The following CDH23 variants were observed in gnomAD, a reference collection of about 807,000 sequenced individuals.
CDH23 encodes cadherin related 23.
A neutral mutation model predicts 317.1 loss-of-function variants in CDH23; 189 were observed. That is an observed-to-expected ratio of 0.60 (90% CI 0.53 to 0.67). The LOEUF is 0.67. CDH23 is among the 30% of genes least tolerant of loss of function. The pLI is 0.00. For synonymous variants in CDH23, 1,839 were observed against 1,876.8 expected, an observed-to-expected ratio of 0.98 and a Z score of 0.52; for missense variants, 4,401 against 4,592.4, an observed-to-expected ratio of 0.96 and a Z score of 1.20.
At chr10:71,658,818 C>A (rs576965175) in intron 14 of CDH23, among the ~76,000 whole-genome samples, 1 of 152,202 alleles carries the variant, frequency 6.6e-6, no homozygotes, top group African/African-American at 2.4e-5. Flanking sequence ...CTGCCAGTCA[C>A]CCTCAGGGCT....
intron 11 of CDH23, among the ~76,000 whole-genome samples, chr10:71,621,765 C>T (rs1478740832): frequency 6.6e-6 from 1 of 152,208 alleles, no homozygotes; most frequent in Admixed American, 6.5e-5. Flanking sequence ...AGATTCTGCT[C>T]AGTCTCTCAC....
chr10:71,577,883 C>T (rs1348478585), intron 8 of CDH23, 31 bp from the exon 9 acceptor site: 3 of 1,554,596 alleles, frequency 1.9e-6, no homozygotes, highest in South Asian at 1.2e-5. Context: ...CCAGGGGACC[C>T]AAACTCAAGT....
At position 71,544,657 on chromosome 10, in the gene CDH23, C is replaced by T. The variant is rs76298968; in HGVS notation, c.430-22085C>T. Reference sequence around the variant, plus strand: ...GCCACAGGCACGTTGCCCTGGGACACGCTGCACACCCCAAATACCCCTCCC... The same window carrying T: ...GCCACAGGCACGTTGCCCTGGGACATGCTGCACACCCCAAATACCCCTCCC... On this transcript the variant is annotated intron_variant, in intron 6 of 69. Coordinates refer to ENST00000224721, the MANE Select transcript of CDH23 (RefSeq NM_022124.6). Among the ~76,000 whole-genome samples the T allele has an allele frequency of 1.6e-4, 25 of 152,302 alleles. No homozygotes were observed. The East Asian group carries it at 4.8e-3, about 29-fold the overall frequency.
intron 3 of CDH23, among the ~76,000 whole-genome samples, chr10:71,457,950 G>T (rs776734386): frequency 6.6e-5 from 10 of 152,214 alleles, no homozygotes; most frequent in Non-Finnish European, 1.3e-4. Flanking sequence ...CCCTTTGCAG[G>T]GGTGGGGGGC....
At chr10:71,644,030 G>A (rs1002242404) in intron 12 of CDH23, among the ~76,000 whole-genome samples, 164 bp downstream of exon 12, 3 of 152,250 alleles carry the variant, frequency 2.0e-5, no homozygotes, top group Non-Finnish European at 4.4e-5. Context: ...AGAGGAGTTG[G>A]TGTCACCTGT....
intron 38 of CDH23, among the ~76,000 whole-genome samples, chr10:71,744,100 G>A (rs1839798923): frequency 6.6e-6 from 1 of 152,148 alleles, no homozygotes; most frequent in African/African-American, 2.4e-5. Context: ...TGCAAGGGAG[G>A]TTAGAAAAAA....
Position 71,505,669 on chromosome 10 carries a change from C to T in CDH23, c.146-4413C>T, listed in dbSNP as rs556431574. On this transcript the variant is annotated intron_variant, in intron 3 of 69. Coordinates refer to ENST00000224721, the MANE Select transcript of CDH23 (RefSeq NM_022124.6). ...GGCAGGGTACCAATAGCGTCTGCTG[C>T]GGAGACCCAGCCAGCTCCCATCTCT... 1.5e-3 allele frequency among the ~76,000 whole-genome samples: 223 copies of T among 152,286 alleles called. 1 individual carries two copies. Among genetic ancestry groups the T allele is most frequent in the African/African-American group, 4.8e-3 (200 of 41,564 alleles).
At chr10:71,567,782 GGCATAGCTGGA>G (rs145524753) in intron 7 of CDH23, among the ~76,000 whole-genome samples, 9,961 of 152,236 alleles carry the variant, frequency 0.065, 1,071 homozygotes, top group African/African-American at 0.23. Context: ...GCTGCCTCAG[GGCATAGCTGGA>G]GCCATCAGCT....
intron 3 of CDH23, among the ~76,000 whole-genome samples, chr10:71,490,708 A>G (rs182733126): frequency 6.6e-6 from 1 of 152,366 alleles, no homozygotes; most frequent in Admixed American, 6.5e-5. Flanking sequence ...GTAACGACTG[A>G]CACTTATTGA....
chr10:71,684,036 G>A (rs924398391), intron 18 of CDH23, among the ~76,000 whole-genome samples: 3 of 151,756 alleles, frequency 2.0e-5, no homozygotes, highest in Non-Finnish European at 2.9e-5. Context: ...AGCCGAGATC[G>A]CACCATTGCA....
At chr10:71,784,575 G>A (rs1030670376) in intron 42 of CDH23, among the ~76,000 whole-genome samples, 155 bp downstream of exon 42, 4 of 152,130 alleles carry the variant, frequency 2.6e-5, no homozygotes, top group African/African-American at 4.8e-5. Context: ...TAGACCTCTC[G>A]CCACATCCAG....
Position 71,636,187 on chromosome 10 carries a change from GGAGA to G in CDH23, c.1135-7668_1135-7665del, listed in dbSNP as rs551711580. Among the ~76,000 whole-genome samples, 187 of 152,192 alleles carry G rather than the reference GGAGA, an allele frequency of 1.2e-3. 1 individual carries two copies. The highest frequency in any genetic ancestry group is 4.4e-3 in the African/African-American group (183 of 41,514). On this transcript the variant is annotated intron_variant, in intron 11 of 69. Coordinates refer to ENST00000224721, the MANE Select transcript of CDH23 (RefSeq NM_022124.6). ...GGGAGGAGAGAGAATCAGGAGAATG[GGAGA>G]GAGAGTTTGGGCTGGAGTCATGGAA...
At chr10:71,575,931 C>A (rs1286636854) in intron 8 of CDH23, among the ~76,000 whole-genome samples, 1 of 152,156 alleles carries the variant, frequency 6.6e-6, no homozygotes, top group Non-Finnish European at 1.5e-5. Flanking sequence ...ATTTATTTAC[C>A]CAAAAAAAGA....
intron 9 of CDH23, among the ~76,000 whole-genome samples, chr10:71,599,278 A>G (rs933489495): frequency 2.0e-5 from 3 of 152,080 alleles, no homozygotes; most frequent in Non-Finnish European, 2.9e-5. Flanking sequence ...TTTGATTTCA[A>G]TCATCTCAGA....
intron 3 of CDH23, among the ~76,000 whole-genome samples, chr10:71,476,367 G>A (rs1851796792): frequency 6.6e-6 from 1 of 152,178 alleles, no homozygotes; most frequent in African/African-American, 2.4e-5. Flanking sequence ...TCTAGCCCAG[G>A]CTTCTCACTG....
intron 9 of CDH23, among the ~76,000 whole-genome samples, chr10:71,584,497 T>C (rs1284335448): frequency 6.6e-6 from 1 of 151,830 alleles, no homozygotes; most frequent in East Asian, 1.9e-4. Context: ...TGCTTTAAAA[T>C]ATACTGAAAT....
chr10:71,809,167 CTTTT>C (rs61078259), intron 60 of CDH23, among the ~76,000 whole-genome samples: 114 of 68,832 alleles, frequency 1.7e-3, no homozygotes, highest in East Asian at 4.2e-3. Flanking sequence ...TTTCTTTTTC[CTTTT>C]TTTTTTTTTT....
chr10:71,617,576 C>T, intron 11 of CDH23, 183 bp downstream of exon 11: 1 of 1,419,832 alleles, frequency 7.0e-7, no homozygotes, highest in Non-Finnish European at 9.2e-7. Flanking sequence ...TGGATTATCC[C>T]CTACACCCTG....
chr10:71,639,843 C>T (rs1233662407), intron 11 of CDH23, among the ~76,000 whole-genome samples: 2 of 152,174 alleles, frequency 1.3e-5, no homozygotes, highest in Admixed American at 6.5e-5. Context: ...GAATATCTCT[C>T]TCTCACACAC....
Sources: allele counts gnomAD v4.1 joint callset (sites outside exome capture counted in the v4.1 genomes callset), GRCh38; gene constraint gnomAD v4.1.1; transcripts MANE v1.5; gene names NCBI Gene and HGNC (gene_info 2026-07-23, HGNC 2026-07-21).